The following SARNP variants were observed in gnomAD, a reference collection of about 807,000 sequenced individuals.
SARNP encodes SAP domain containing ribonucleoprotein, also known as SAP domain-containing ribonucleoprotein.
Under a neutral mutation model 38.1 loss-of-function variants are expected in SARNP, and 5 were observed. The ratio of observed to expected loss-of-function variants is 0.13; its 90% CI spans 0.07 to 0.28. SARNP has a LOEUF of 0.28. Among genes scored for constraint, SARNP ranks in the 10% least tolerant of loss-of-function variants. The pLI is 1.00. For synonymous variants in SARNP, 84 were observed against 80.6 expected, an observed-to-expected ratio of 1.04 and a Z score of -0.23; for missense variants, 180 against 243.9, an observed-to-expected ratio of 0.74 and a Z score of 1.75.
intron 1 of SARNP, among the ~76,000 whole-genome samples, chr12:55,811,373 C>A (rs1194154755): frequency 6.6e-6 from 1 of 152,116 alleles, no homozygotes; most frequent in Non-Finnish European, 1.5e-5. Context: ...CCCTGGGCAA[C>A]ACGGGTAGAC....
chr12:55,765,768 C>T lies in SARNP; in HGVS notation c.502-5128G>A, dbSNP rs533915046. On this transcript the variant is annotated intron_variant, in intron 9 of 10. Coordinates refer to ENST00000336133, the MANE Select transcript of SARNP (RefSeq NM_033082.4). ...ACAATACATCGTTCCCCCAACCCTC[C>T]ACAAATAGCCTGCTCTTCCCTCCCC... Among the ~76,000 whole-genome samples the T allele has an allele frequency of 7.9e-5, 12 of 152,178 alleles. No individual in the cohort carries two copies. In the South Asian group the frequency reaches 2.5e-3, roughly 32 times the overall value.
intron 9 of SARNP, among the ~76,000 whole-genome samples, chr12:55,778,563 C>G (rs911149125): frequency 1.3e-5 from 2 of 152,000 alleles, no homozygotes; most frequent in African/African-American, 2.4e-5. Flanking sequence ...AAGAAGAAAA[C>G]AGATATAGGA....
At chr12:55,767,886 A>G (rs1180470971) in intron 9 of SARNP, among the ~76,000 whole-genome samples, 2 of 150,678 alleles carry the variant, frequency 1.3e-5, no homozygotes, top group African/African-American at 2.4e-5. Flanking sequence ...ATACACACAC[A>G]CACACAAATA....
intron 7 of SARNP, among the ~76,000 whole-genome samples, chr12:55,791,906 G>C (rs1454574377): frequency 6.6e-6 from 1 of 152,050 alleles, no homozygotes; most frequent in Non-Finnish European, 1.5e-5. Flanking sequence ...TCAGAATTAT[G>C]AGTAACACTG....
At chr12:55,762,194 G>A (rs1375611048) in intron 9 of SARNP, among the ~76,000 whole-genome samples, 1 of 152,150 alleles carries the variant, frequency 6.6e-6, no homozygotes, top group Admixed American at 6.5e-5. Context: ...GGCTGAGGCA[G>A]GAAAATAGCT....
chr12:55,811,596 CAAACAAACA>C, intron 1 of SARNP, among the ~76,000 whole-genome samples: 1 of 152,024 alleles, frequency 6.6e-6, no homozygotes, highest in Non-Finnish European at 1.5e-5. Context: ...AACAAACAAA[CAAACAAACA>C]AACCACAGCT....
rs146574632 is a variant in SARNP at position 55,764,304 on chromosome 12, T to G, written c.502-3664A>C. On this transcript the variant is annotated intron_variant, in intron 9 of 10. Coordinates refer to ENST00000336133, the MANE Select transcript of SARNP (RefSeq NM_033082.4). The stretch of plus-strand genomic sequence containing the variant: ...CTTTGAGAAAATCCCAGGAAGGATC[T>G]TCTAAAATCCTGAGGTCGGGAGTTC... Among the ~76,000 whole-genome samples the G allele has an allele frequency of 1.7e-3, 263 of 151,872 alleles. 1 individual carries two copies. Among genetic ancestry groups the G allele is most frequent in the African/African-American group, 5.8e-3 (241 of 41,410 alleles).
chr12:55,782,126 T>C (rs917923672), intron 9 of SARNP, among the ~76,000 whole-genome samples: 5 of 152,184 alleles, frequency 3.3e-5, no homozygotes, highest in African/African-American at 9.7e-5. Flanking sequence ...GACAACTCTT[T>C]AGGACAGTTA....
At chr12:55,783,663 A>G (rs1879405468) in intron 9 of SARNP, among the ~76,000 whole-genome samples, 1 of 152,144 alleles carries the variant, frequency 6.6e-6, no homozygotes, top group Non-Finnish European at 1.5e-5. Context: ...ATACTAGTGG[A>G]GCTAAAAACT....
At chr12:55,767,877 T>C (rs771697060) in intron 9 of SARNP, among the ~76,000 whole-genome samples, 9 of 127,472 alleles carry the variant, frequency 7.1e-5, no homozygotes, top group South Asian at 2.4e-4. Flanking sequence ...AAAAAGGATA[T>C]ACACACACAC....
chr12:55,786,527 G>A (rs1879500881), intron 9 of SARNP, among the ~76,000 whole-genome samples: 1 of 152,108 alleles, frequency 6.6e-6, no homozygotes, highest in Non-Finnish European at 1.5e-5. Context: ...TCGGCTCACC[G>A]CAGCCTCCGC....
chr12:55,787,044 C>A (rs1208117100), intron 9 of SARNP, among the ~76,000 whole-genome samples: 1 of 151,512 alleles, frequency 6.6e-6, no homozygotes, highest in African/African-American at 2.4e-5. Context: ...AGCTGGGCAA[C>A]ACAGAGAGAC....
intron 1 of SARNP, among the ~76,000 whole-genome samples, chr12:55,804,866 G>A (rs1465862923): frequency 6.6e-6 from 1 of 152,212 alleles, no homozygotes; most frequent in Non-Finnish European, 1.5e-5. Flanking sequence ...CTAGAAGGCA[G>A]ACTCCTATAG....
Position 55,803,828 on chromosome 12 carries a change from T to A in SARNP, c.37-100A>T, listed in dbSNP as rs1880057033. The A allele has an allele frequency of 2.3e-5, 17 of 735,744 alleles. No homozygotes were observed. The South Asian group carries it at 3.1e-4, about 13-fold the overall frequency. The allele number at this position is 735,744 out of a possible 1,614,324, so 45.6% of individuals were successfully genotyped here. A position where few individuals can be genotyped will look rare whatever the true frequency, so the allele number is the denominator to read the frequency against. ...GGAAAAGAAAAAAAGAAAATGAAGT[T>A]CCATCCCAAATTACTGCCCTTAATT... On this transcript the variant is annotated intron_variant, in intron 1 of 10. Transcript: ENST00000336133.
intron 9 of SARNP, among the ~76,000 whole-genome samples, chr12:55,775,871 C>T (rs571918813): frequency 5.3e-5 from 8 of 152,236 alleles, no homozygotes; most frequent in Middle Eastern, 3.4e-3. Flanking sequence ...TTTAACTGAA[C>T]CCACATATAT....
At chr12:55,778,229 C>T (rs995382053) in intron 9 of SARNP, among the ~76,000 whole-genome samples, 19 of 152,188 alleles carry the variant, frequency 1.2e-4, no homozygotes, top group African/African-American at 4.6e-4. Context: ...TTACTGAGAC[C>T]TCCACCTCCA....
chr12:55,797,307 T>C lies in SARNP; in HGVS notation c.252-1231A>G, dbSNP rs189895012. 2.3e-3 allele frequency among the ~76,000 whole-genome samples: 343 copies of C among 152,316 alleles called. 5 individuals are homozygous for C. The highest frequency in any genetic ancestry group is 7.7e-3 in the African/African-American group (321 of 41,562). Reference sequence around the variant, plus strand: ...CTGACTATAACGAAGTCCTACGATATGTAACCGCTTTAGCTGGTTGGGGGT... The same window carrying C: ...CTGACTATAACGAAGTCCTACGATACGTAACCGCTTTAGCTGGTTGGGGGT... On this transcript the variant is annotated intron_variant, in intron 4 of 10. Coordinates refer to ENST00000336133, the MANE Select transcript of SARNP (RefSeq NM_033082.4).
intron 1 of SARNP, 71 bp from the exon 2 acceptor site, chr12:55,803,799 A>C: frequency 9.9e-7 from 1 of 1,005,532 alleles, no homozygotes; most frequent in Non-Finnish European, 1.5e-6. Flanking sequence ...GGTAGTTCCC[A>C]CAAGGAAAAG....
At chr12:55,806,052 T>A (rs1257089052) in intron 1 of SARNP, among the ~76,000 whole-genome samples, 3 of 150,208 alleles carry the variant, frequency 2.0e-5, no homozygotes, top group African/African-American at 4.9e-5. Flanking sequence ...AAAAAAAAAA[T>A]TATTTTTAAG....
Sources: gnomAD v4.1 joint callset for allele counts (sites outside exome capture counted in the v4.1 genomes callset) on GRCh38, gnomAD v4.1.1 for gene constraint, MANE v1.5 for transcripts, NCBI Gene and HGNC (gene_info 2026-07-23, HGNC 2026-07-21) for gene names.